Variants in PTPRD observed in about 807,000 individuals in gnomAD.
PTPRD encodes the protein protein tyrosine phosphatase receptor type D.
In PTPRD, 34 loss-of-function variants were observed where a neutral mutation model predicts 214.5. The observed-to-expected ratio is 0.16, with a 90% CI of 0.12 to 0.21. The LOEUF (loss-of-function observed/expected upper bound fraction) is 0.21. Among genes scored for constraint, PTPRD ranks in the 10% least tolerant of loss-of-function variants. The pLI, the probability that PTPRD is intolerant of heterozygous loss-of-function variation, is 1.00. For missense variants in PTPRD, 2,545 were observed against 2,398.7 expected, an observed-to-expected ratio of 1.06 and a Z score of -1.27; for synonymous variants, 1,128 against 845.7, an observed-to-expected ratio of 1.33 and a Z score of -5.79.
At chr9:8,428,868 C>T (rs968470034) in intron 35 of PTPRD, among the ~76,000 whole-genome samples, 9 of 152,190 alleles carry the variant, frequency 5.9e-5, no homozygotes, top group African/African-American at 1.2e-4. Flanking sequence ...GATGGTTCTG[C>T]GCCTGTGAAT....
At chr9:9,098,735 G>A (rs947969438) in intron 10 of PTPRD, among the ~76,000 whole-genome samples, 1 of 152,042 alleles carries the variant, frequency 6.6e-6, no homozygotes, top group Non-Finnish European at 1.5e-5. Context: ...AAATACAAAT[G>A]GATACAACAT....
intron 3 of PTPRD, among the ~76,000 whole-genome samples, chr9:10,119,658 C>A (rs1386963679): frequency 6.6e-6 from 1 of 151,776 alleles, no homozygotes; most frequent in Non-Finnish European, 1.5e-5. Context: ...ATTCAAGACC[C>A]CCCGCATGGA....
chr9:9,085,225 T>G (rs541963328), intron 10 of PTPRD, among the ~76,000 whole-genome samples: 1 of 152,168 alleles, frequency 6.6e-6, no homozygotes, highest in Non-Finnish European at 1.5e-5. Flanking sequence ...AAAAGAAAGA[T>G]AGACACAAGA....
chr9:10,278,155 C>CAAAAAAAAAAAAAAAAAAAA (rs752887858), intron 3 of PTPRD, among the ~76,000 whole-genome samples: 7 of 144,600 alleles, frequency 4.8e-5, no homozygotes, highest in Non-Finnish European at 9.2e-5. Flanking sequence ...GACTCTGTCT[C>CAAAAAAAAAAAAAAAAAAAA]AAAAAACAAA....
At chr9:10,493,469 G>C (rs1260637039) in intron 2 of PTPRD, among the ~76,000 whole-genome samples, 2 of 152,036 alleles carry the variant, frequency 1.3e-5, no homozygotes, top group East Asian at 1.9e-4. Context: ...TGTGACCTTT[G>C]ACAAACCTGA....
chr9:9,001,883 T>C (rs1424168451), intron 11 of PTPRD, among the ~76,000 whole-genome samples: 1 of 151,930 alleles, frequency 6.6e-6, no homozygotes, highest in Non-Finnish European at 1.5e-5. Flanking sequence ...TTCCTATTTC[T>C]TTCAGAATTG....
chr9:8,734,748 T>G (rs568273113), intron 11 of PTPRD, among the ~76,000 whole-genome samples: 1 of 152,228 alleles, frequency 6.6e-6, no homozygotes, highest in Admixed American at 6.5e-5. Flanking sequence ...TCCAGATTAG[T>G]AGGGAAAATA....
rs57938524 is a variant in PTPRD at position 9,711,627 on chromosome 9, A to G, written c.-287+22906T>C. On this transcript the variant is annotated intron_variant, in intron 7 of 45. Transcript: ENST00000381196. ...ATTCCAGTGGTTCTCAACAAAGGGTAAACTTACTCTCCAAATGGTGACATT... is the reference window on the plus strand; with the variant it reads ...ATTCCAGTGGTTCTCAACAAAGGGTGAACTTACTCTCCAAATGGTGACATT... Among the ~76,000 whole-genome samples, 1,172 of 152,292 alleles carry G rather than the reference A, an allele frequency of 7.7e-3. 11 individuals carry two copies. The highest frequency in any genetic ancestry group is 0.027 in the African/African-American group (1,123 of 41,558).
chr9:10,019,370 G>A (rs1454934951), intron 4 of PTPRD, among the ~76,000 whole-genome samples: 4 of 152,258 alleles, frequency 2.6e-5, no homozygotes, highest in Middle Eastern at 6.8e-3. Flanking sequence ...TCAGTGTGGC[G>A]ATTCCTTAGG....
chr9:8,515,855 T>C (rs142319213), intron 21 of PTPRD, among the ~76,000 whole-genome samples: 50 of 152,294 alleles, frequency 3.3e-4, no homozygotes, highest in African/African-American at 1.0e-3. Flanking sequence ...GGTTCTTTTT[T>C]ACAGGAGCAC....
At chr9:9,768,965 G>T (rs2098728980) in intron 5 of PTPRD, among the ~76,000 whole-genome samples, 1 of 152,144 alleles carries the variant, frequency 6.6e-6, no homozygotes, top group Admixed American at 6.6e-5. Context: ...TACTTGTTCT[G>T]ATTTTTCTGA....
chr9:9,175,631 A>ACAAAC (rs948106810), intron 10 of PTPRD, among the ~76,000 whole-genome samples: 11 of 50,084 alleles, frequency 2.2e-4, no homozygotes, highest in East Asian at 2.1e-3. Context: ...TCAAAAAAAA[A>ACAAAC]AAAAAAAAAA....
At chr9:10,087,715 T>C (rs1050991525) in intron 3 of PTPRD, among the ~76,000 whole-genome samples, 1 of 151,724 alleles carries the variant, frequency 6.6e-6, no homozygotes, top group African/African-American at 2.4e-5. Flanking sequence ...TAACTGAATA[T>C]ACTAATAGAA....
At chr9:10,512,275 T>C (rs147129791) in intron 2 of PTPRD, among the ~76,000 whole-genome samples, 75 of 151,606 alleles carry the variant, frequency 4.9e-4, no homozygotes, top group Admixed American at 2.7e-3. Flanking sequence ...ATGTCACAAA[T>C]AGGAAAGAGA....
intron 8 of PTPRD, among the ~76,000 whole-genome samples, chr9:9,560,769 A>G (rs1446542159): frequency 6.6e-6 from 1 of 152,008 alleles, no homozygotes; most frequent in Non-Finnish European, 1.5e-5. Flanking sequence ...CAGCTCTCTT[A>G]CACAGCTTAA....
chr9:9,541,082 G>A (rs2077493009), intron 8 of PTPRD, among the ~76,000 whole-genome samples: 1 of 151,788 alleles, frequency 6.6e-6, no homozygotes, highest in Non-Finnish European at 1.5e-5. Flanking sequence ...CTGAGTGACA[G>A]GAAGAGGAGA....
chr9:8,847,747 TA>T (rs149147591), intron 11 of PTPRD, among the ~76,000 whole-genome samples: 54,282 of 151,900 alleles, frequency 0.36, 12,874 homozygotes, highest in African/African-American at 0.68. Flanking sequence ...TATTATAAAA[TA>T]GGTTAAATGG....
At chr9:9,787,665 A>G (rs1445900621) in intron 5 of PTPRD, among the ~76,000 whole-genome samples, 1 of 152,032 alleles carries the variant, frequency 6.6e-6, no homozygotes, top group Non-Finnish European at 1.5e-5. Context: ...AAAGAGGATA[A>G]AATAATGCTA....
intron 14 of PTPRD, among the ~76,000 whole-genome samples, chr9:8,549,913 A>T (rs1456946115): frequency 6.6e-6 from 1 of 152,192 alleles, no homozygotes; most frequent in Non-Finnish European, 1.5e-5. Context: ...TAGCGTATCT[A>T]TATTCAGATC....
Sources: gnomAD v4.1 joint callset for allele counts (sites outside exome capture counted in the v4.1 genomes callset) on GRCh38, gnomAD v4.1.1 for gene constraint, MANE v1.5 for transcripts, NCBI Gene and HGNC (gene_info 2026-07-23, HGNC 2026-07-21) for gene names.